Variants in NARF observed in about 807,000 individuals in gnomAD.
The protein encoded by NARF is nuclear prelamin A recognition factor, also known as iron-only hydrogenase-like protein 2.
In NARF, 41 loss-of-function variants were observed where a neutral mutation model predicts 48.0. The observed-to-expected ratio is 0.85, with a 90% CI of 0.66 to 1.11. The LOEUF (loss-of-function observed/expected upper bound fraction) is 1.11. NARF is among the 50% of genes least tolerant of loss of function. NARF has a pLI of 0.00. For synonymous variants in NARF, 215 were observed against 225.5 expected (o/e 0.95, Z 0.42); for missense variants, 613 against 590.2 (o/e 1.04, Z -0.40).
chr17:82,462,385 A>G (rs549981279), intron 2 of NARF, among the ~76,000 whole-genome samples: 1 of 152,258 alleles, frequency 6.6e-6, no homozygotes, highest in African/African-American at 2.4e-5. Flanking sequence ...GGGGTGACTC[A>G]GGTGTTTGTT....
In NARF at chr17:82,484,808, G is replaced by T; in HGVS notation, c.834-5G>T. On this transcript the variant is annotated splice_polypyrimidine_tract_variant and splice_region_variant and intron_variant, in intron 8 of 10. Transcript: ENST00000309794. ...GAAGGACTTGTATTTTCTCTGCCTTGTGAGGTTTGGAGACTTGAAGGAGGA... is the reference window on the plus strand; with the variant it reads ...GAAGGACTTGTATTTTCTCTGCCTTTTGAGGTTTGGAGACTTGAAGGAGGA... 1 of 1,591,180 alleles carries T rather than the reference G, an allele frequency of 6.3e-7. No individual in the cohort carries two copies. The highest frequency in any genetic ancestry group is 1.4e-5 in the African/African-American group (1 of 74,070).
At chr17:82,476,128 C>T (rs1296156952) in intron 5 of NARF, among the ~76,000 whole-genome samples, 1 of 151,996 alleles carries the variant, frequency 6.6e-6, no homozygotes, top group Non-Finnish European at 1.5e-5. Context: ...CCAACTCAGC[C>T]TCCTGAGAAG....
intron 10 of NARF, 40 bp from the exon 11 acceptor site, chr17:82,487,876 G>A (rs375306642): frequency 2.1e-5 from 33 of 1,604,072 alleles, no homozygotes; most frequent in African/African-American, 1.6e-4. Flanking sequence ...CAGAAAGATC[G>A]CCTGAGCCCA....
At chr17:82,485,725 C>A in intron 10 of NARF, 71 bp downstream of exon 10, 1 of 1,569,886 alleles carries the variant, frequency 6.4e-7, no homozygotes, top group Middle Eastern at 2.2e-4. Context: ...CTGCAGCTGC[C>A]AGAGAGATGG....
intron 5 of NARF, 73 bp from the exon 6 acceptor site, chr17:82,478,727 G>A: frequency 6.9e-7 from 1 of 1,440,130 alleles, no homozygotes; most frequent in East Asian, 2.3e-5. Context: ...CTCGAGCTCA[G>A]CATTCCCTGG....
Position 82,488,076 on chromosome 17 carries a change from CT to C in NARF, c.1291del (p.Ser431ProfsTer59), listed in dbSNP as rs749771034. ...ACCAGGAGTGGCTGGAGGGGATCAACTCCCCCAAGGCCCGAGAGGTGCTGCA... is the reference window on the plus strand; with the variant it reads ...ACCAGGAGTGGCTGGAGGGGATCAACCCCCCAAGGCCCGAGAGGTGCTGCA... The part of the protein sequence containing the change: ...LYQEWLEGIN[S>X]PKAREVLHTT... On this transcript the variant is annotated frameshift_variant, in exon 11 of 11. Transcript: ENST00000309794. LOFTEE classifies it low-confidence loss of function (END_TRUNC). The C allele has an allele frequency of 2.5e-6, 4 of 1,613,908 alleles. No homozygotes were observed. The highest frequency in any genetic ancestry group is 3.4e-6 in the Non-Finnish European group (4 of 1,180,030).
intron 4 of NARF, among the ~76,000 whole-genome samples, chr17:82,469,867 GT>G (rs1050325606): frequency 6.6e-6 from 1 of 150,992 alleles, no homozygotes; most frequent in Non-Finnish European, 1.5e-5. Context: ...GCCTCCCAAA[GT>G]GCTGGGATTA....
intron 4 of NARF, among the ~76,000 whole-genome samples, chr17:82,471,805 A>AAAAAAAAAAAAAAAAAAAAG (rs1567935705): frequency 9.4e-5 from 14 of 148,528 alleles, no homozygotes; most frequent in African/African-American, 3.5e-4. Flanking sequence ...AAAAAAAAAA[A>AAAAAAAAAAAAAAAAAAAAG]AAGTATGCCC....
At position 82,478,800 on chromosome 17, in the gene NARF, G is replaced by T; in HGVS notation, c.521G>T (p.Gly174Val). 6.2e-7 allele frequency: 1 copy of T among 1,613,122 alleles called. No individual in the cohort carries two copies. The highest frequency in any genetic ancestry group is 1.1e-5 in the South Asian group (1 of 90,982). ...TLPMLTSACP[G>V]WVRYAERVLG... ...GACCGTGGATCCCTTCTCTCCCCAG[G>T]CTGGGTCCGATACGCCGAGCGGGTG... Residue 174 changes from glycine (G) to valine (V), a missense_variant and splice_region_variant, in exon 6 of 11, where the codon GGC becomes GTC. Gly to Val is a moderately radical substitution (Grantham distance 109). Coordinates refer to ENST00000309794, the MANE Select transcript of NARF (RefSeq NM_012336.4).
chr17:82,485,184 G>T (rs778268366), intron 9 of NARF, among the ~76,000 whole-genome samples: 1 of 152,220 alleles, frequency 6.6e-6, no homozygotes, highest in Admixed American at 6.5e-5. Context: ...CACTCTGGGA[G>T]GCCGAGGCGG....
intron 2 of NARF, chr17:82,460,316 T>G: frequency 3.1e-6 from 1 of 323,518 alleles, no homozygotes; most frequent in East Asian, 6.5e-5. Context: ...AATACAAAAA[T>G]TATCCAGGTA....
At chr17:82,468,655 C>T in intron 3 of NARF, 109 bp from the exon 4 acceptor site, 2 of 1,059,844 alleles carry the variant, frequency 1.9e-6, no homozygotes, top group South Asian at 1.6e-5. Flanking sequence ...TTTTATTAGT[C>T]TTTGCATAGA....
rs537644342 is a variant in NARF, at chr17:82,488,889, G to C, written c.*732G>C. ...TGATGTGGGAGTGAGGGCAGAGGGT[G>C]GGGTGGCTGTGCCTGTGGACTCCTG... is the stretch of plus-strand genomic sequence containing the variant. On this transcript the variant is annotated 3_prime_UTR_variant, in exon 11 of 11. Coordinates refer to ENST00000309794, the MANE Select transcript of NARF (RefSeq NM_012336.4). 2 of 152,536 alleles carry C rather than the reference G, an allele frequency of 1.3e-5. No homozygotes were observed. The highest frequency in any genetic ancestry group is 3.9e-4 in the East Asian group (2 of 5,188). 9.4% of individuals were successfully genotyped at this position (152,536 alleles called of 1,614,324 possible).
intron 6 of NARF, among the ~76,000 whole-genome samples, chr17:82,479,608 C>T (rs1363378481): frequency 6.6e-6 from 1 of 152,250 alleles, no homozygotes; most frequent in African/African-American, 2.4e-5. Flanking sequence ...GCATGCCCCA[C>T]ACTGCTCTTC....
In NARF at chr17:82,461,774, T is replaced by C. The variant is rs1208877480; in HGVS notation, c.108+1702T>C. ...TAGTACCAGTTTATAAATGGAGAGTTGGCAATATGGCAGAAGCATATTTTT... is the reference window on the plus strand; with the variant it reads ...TAGTACCAGTTTATAAATGGAGAGTCGGCAATATGGCAGAAGCATATTTTT... On this transcript the variant is annotated intron_variant, in intron 2 of 10. Coordinates refer to ENST00000309794, the MANE Select transcript of NARF (RefSeq NM_012336.4). 2.6e-5 allele frequency among the ~76,000 whole-genome samples: 4 copies of C among 152,340 alleles called. No homozygotes were observed. In the East Asian group the frequency reaches 5.8e-4, roughly 22 times the overall value.
chr17:82,478,695 C>A, intron 5 of NARF, 105 bp from the exon 6 acceptor site: 1 of 1,182,844 alleles, frequency 8.5e-7, no homozygotes, highest in African/African-American at 1.5e-5. Context: ...GGTGTTCTGG[C>A]TTCACCCTGG....
rs137933913 is a variant in NARF, at chr17:82,462,071, G to A, written c.108+1999G>A. 9.3e-3 allele frequency among the ~76,000 whole-genome samples: 1,422 copies of A among 152,320 alleles called. 11 individuals are homozygous for A. Among genetic ancestry groups the A allele is most frequent in the Non-Finnish European group, 0.016 (1,067 of 68,024 alleles). ...CAGATATCTAAGCCCTGTGAGCCTC[G>A]TTTCCTTATCAGAGGCCTGGGGAGT... On this transcript the variant is annotated intron_variant, in intron 2 of 10. Transcript: ENST00000309794.
intron 1 of NARF, among the ~76,000 whole-genome samples, chr17:82,459,687 T>G (rs1236809889): frequency 6.6e-6 from 1 of 152,048 alleles, no homozygotes; most frequent in Non-Finnish European, 1.5e-5. Context: ...GTGGCCAACA[T>G]GGCGAAACCC....
intron 1 of NARF, 28 bp downstream of exon 1, chr17:82,458,858 C>T: frequency 2.2e-6 from 3 of 1,389,732 alleles, no homozygotes; most frequent in Non-Finnish European, 2.8e-6. Flanking sequence ...GGGAGGCGCG[C>T]GCCTGGTGCT....
Sources: gnomAD v4.1 joint callset for allele counts (sites outside exome capture counted in the v4.1 genomes callset) on GRCh38, gnomAD v4.1.1 for gene constraint, MANE v1.5 for transcripts, NCBI Gene and HGNC (gene_info 2026-07-23, HGNC 2026-07-21) for gene names.